The following FUNDC2 variants were observed in gnomAD, a reference collection of about 807,000 sequenced individuals.
FUNDC2 encodes the protein FUN14 domain containing 2.
A neutral mutation model predicts 15.6 loss-of-function variants in FUNDC2; 4 were observed. The ratio of observed to expected loss-of-function variants is 0.26; its 90% CI spans 0.13 to 0.59. FUNDC2 has a LOEUF of 0.59. Ranked by LOEUF, FUNDC2 falls within the 20% of genes least tolerant of loss-of-function variation. The pLI, the probability that FUNDC2 is intolerant of heterozygous loss-of-function variation, is 0.90. For missense variants in FUNDC2, 98 were observed against 149.7 expected, an observed-to-expected ratio of 0.65 and a Z score of 1.80; for synonymous variants, 44 against 56.9, an observed-to-expected ratio of 0.77 and a Z score of 1.02.
intron 2 of FUNDC2, among the ~76,000 whole-genome samples, chrX:155,038,423 T>C (rs782489602): frequency 3.6e-5 from 4 of 111,875 alleles, no homozygotes; most frequent in Non-Finnish European, 7.5e-5. Context: ...TAATATGTTG[T>C]TATTAACTGT....
chrX:155,048,197 C>G (rs2073869113), intron 3 of FUNDC2, among the ~76,000 whole-genome samples: 1 of 111,467 alleles, frequency 9.0e-6, no homozygotes, highest in African/African-American at 3.3e-5. Context: ...TTCCAATATT[C>G]AAGGGGTACA....
chrX:155,054,514 G>T, intron 4 of FUNDC2, 81 bp from the exon 5 acceptor site: 1 of 1,190,799 alleles, frequency 8.4e-7, no homozygotes, highest in Non-Finnish European at 1.1e-6. Context: ...TGTTAAGACT[G>T]GCATAGGTAT....
chrX:155,030,683 CTTTTTTTTT>C (rs369740085), intron 1 of FUNDC2, among the ~76,000 whole-genome samples: 2 of 85,668 alleles, frequency 2.3e-5, no homozygotes, highest in Non-Finnish European at 4.5e-5. Context: ...CTATTTTCTA[CTTTTTTTTT>C]TTTTTTTTTT....
chrX:155,045,721 C>G (rs5945281), intron 2 of FUNDC2, among the ~76,000 whole-genome samples: 36,435 of 109,762 alleles, frequency 0.33, 4,891 homozygotes, highest in African/African-American at 0.48. Context: ...AAGGAGAGCA[C>G]AGAAAAGGGA....
chrX:155,032,280 CTTTTTT>C (rs200923469), intron 1 of FUNDC2, among the ~76,000 whole-genome samples: 1 of 62,748 alleles, frequency 1.6e-5, no homozygotes, highest in Non-Finnish European at 2.9e-5. Context: ...CTGGTGCCTT[CTTTTTT>C]TTTTTTTTTT....
chrX:155,040,012 C>T (rs989143071), intron 2 of FUNDC2, among the ~76,000 whole-genome samples: 2 of 111,864 alleles, frequency 1.8e-5, no homozygotes, highest in African/African-American at 6.5e-5. Flanking sequence ...GTGTTGTCTT[C>T]AATTTCTTTC....
chrX:155,051,642 CTTG>C (rs2073879902), intron 3 of FUNDC2, 25 bp from the exon 4 acceptor site: 6 of 1,202,564 alleles, frequency 5.0e-6, no homozygotes, highest in African/African-American at 1.7e-5. Context: ...TTTCTCATTT[CTTG>C]TTGTCATTAT....
chrX:155,029,226 G>A (rs2073806463), intron 1 of FUNDC2, among the ~76,000 whole-genome samples: 1 of 112,087 alleles, frequency 8.9e-6, no homozygotes, highest in Admixed American at 9.4e-5. Flanking sequence ...TGTGAGTGTA[G>A]AGTCTTCAGA....
At chrX:155,045,860 G>C (rs977797393) in intron 2 of FUNDC2, among the ~76,000 whole-genome samples, 2 of 110,824 alleles carry the variant, frequency 1.8e-5, no homozygotes, top group African/African-American at 6.6e-5. Context: ...GTATCGGGTG[G>C]GGGCAGGAAG....
intron 3 of FUNDC2, chrX:155,049,033 C>T (rs2073872150): frequency 1.8e-5 from 2 of 112,720 alleles, no homozygotes; most frequent in South Asian, 7.2e-4. Flanking sequence ...GAAATTTTTC[C>T]TTCACGTCTT....
chrX:155,042,158 T>C (rs1396332445), intron 2 of FUNDC2, among the ~76,000 whole-genome samples: 3 of 103,391 alleles, frequency 2.9e-5, no homozygotes, highest in African/African-American at 1.0e-4. Flanking sequence ...TACCTTGCTA[T>C]AGTTTTCTTT....
At position 155,035,066 on chromosome X, in the gene FUNDC2, A is replaced by G. The variant is rs369080734; in HGVS notation, c.284+1513A>G. The stretch of plus-strand genomic sequence containing the variant: ...GAAGATCTTATTTTTAATATAGTCA[A>G]TTTTATCAATCTTAACCTTAATGGT... On this transcript the variant is annotated intron_variant, in intron 2 of 4. Coordinates refer to ENST00000369498, the MANE Select transcript of FUNDC2 (RefSeq NM_023934.4). Among the ~76,000 whole-genome samples, 10 of 111,772 alleles carry G rather than the reference A, an allele frequency of 8.9e-5. No individual in the cohort carries two copies. In the East Asian group the frequency reaches 2.2e-3, roughly 25 times the overall value.
intron 2 of FUNDC2, among the ~76,000 whole-genome samples, chrX:155,034,892 C>T (rs1311125869): frequency 9.0e-6 from 1 of 111,185 alleles, no homozygotes; most frequent in Non-Finnish European, 1.9e-5. Flanking sequence ...AGTTTTTTTC[C>T]TCTGAAGTTG....
rs936194451 is a variant in FUNDC2 at position 155,059,756 on chromosome X, G to A, written c.*5084G>A. 8.9e-6 allele frequency: 1 copy of A among 112,334 alleles called. No individual in the cohort carries two copies. The highest frequency in any genetic ancestry group is 1.9e-5 in the Non-Finnish European group (1 of 53,269). 9.3% of individuals were successfully genotyped at this position (112,334 alleles called of 1,213,427 possible). A position where few individuals can be genotyped will look rare whatever the true frequency, so the allele number is the denominator to read the frequency against. On this transcript the variant is annotated 3_prime_UTR_variant, in exon 5 of 5. Transcript: ENST00000369498. ...CTGATACAGTTTGGAGCCACCGAAT[G>A]TCATGTTGAACCGTATTCCCTAATG...
At chrX:155,047,466 G>C in intron 3 of FUNDC2, 1 of 341,129 alleles carries the variant, frequency 2.9e-6, no homozygotes, top group Non-Finnish European at 5.9e-6. Context: ...GTATCGAAGA[G>C]GGAAGCTGGT....
intron 2 of FUNDC2, among the ~76,000 whole-genome samples, chrX:155,037,644 G>A (rs1256222992): frequency 3.6e-5 from 4 of 109,592 alleles, no homozygotes; most frequent in African/African-American, 6.6e-5. Flanking sequence ...CCATCACACC[G>A]GGCTAATTTT....
intron 4 of FUNDC2, among the ~76,000 whole-genome samples, chrX:155,052,304 TG>T (rs1557290561): frequency 8.9e-6 from 1 of 112,309 alleles, no homozygotes; most frequent in East Asian, 2.8e-4. Context: ...GCCCATGGGC[TG>T]TAGTTTGCTA....
At chrX:155,054,343 CCTCCTTCCCATCAGGCT>C in intron 4 of FUNDC2, 2 of 752,313 alleles carry the variant, frequency 2.7e-6, no homozygotes, top group South Asian at 6.8e-5. Context: ...TGATGTGCAT[CCTCCTTCCCATCAGGCT>C]CCCTCTAGTC....
chrX:155,054,472 G>C (rs1413170481), intron 4 of FUNDC2, 123 bp from the exon 5 acceptor site: 1 of 1,137,268 alleles, frequency 8.8e-7, no homozygotes, highest in Non-Finnish European at 1.2e-6. Context: ...TGGGTAAAGT[G>C]CAAATTACGT....
Sources: allele counts gnomAD v4.1 joint callset (sites outside exome capture counted in the v4.1 genomes callset), GRCh38; gene constraint gnomAD v4.1.1; transcripts MANE v1.5; gene names NCBI Gene and HGNC (gene_info 2026-07-23, HGNC 2026-07-21).